Variants in PCDH15 observed in about 807,000 individuals in gnomAD.
The protein encoded by PCDH15 is protocadherin related 15, also known as protocadherin-15.
In PCDH15, 129 loss-of-function variants were observed where a neutral mutation model predicts 178.5. The ratio of observed to expected loss-of-function variants is 0.72; its 90% CI spans 0.63 to 0.84. PCDH15 has a LOEUF of 0.84. Ranked by LOEUF, PCDH15 falls within the 40% of genes least tolerant of loss-of-function variation. The pLI is 0.00. For synonymous variants in PCDH15, 800 were observed against 732.0 expected (o/e 1.09, Z -1.50); for missense variants, 2,230 against 2,099.9 (o/e 1.06, Z -1.21).
intron 2 of PCDH15, among the ~76,000 whole-genome samples, chr10:55,334,820 A>C (rs879270954): frequency 2.0e-5 from 3 of 152,168 alleles, no homozygotes; most frequent in Non-Finnish European, 4.4e-5. Flanking sequence ...TCTATGGAGA[A>C]AATAATTACC....
rs1287635108 is a variant in PCDH15 at position 54,657,588 on chromosome 10, CCATA to C, written c.91+6580_91+6583del. Among the ~76,000 whole-genome samples the C allele has an allele frequency of 2.0e-5, 3 of 152,124 alleles. No homozygotes were observed. The East Asian group carries it at 5.8e-4, about 29-fold the overall frequency. On this transcript the variant is annotated intron_variant, in intron 2 of 37. Transcript: ENST00000644397. ...CAACAGGCAACATTCAAGAAAACCACCATACAAAGATTACCCACAATCAAGGAAC... is the reference window on the plus strand; with the variant it reads ...CAACAGGCAACATTCAAGAAAACCACCAAAGATTACCCACAATCAAGGAAC...
intron 2 of PCDH15, among the ~76,000 whole-genome samples, chr10:54,654,365 C>T (rs1408118272): frequency 1.3e-5 from 2 of 150,420 alleles, no homozygotes; most frequent in African/African-American, 4.9e-5. Context: ...GTACTATGTT[C>T]ACCAGAAGAT....
At chr10:53,986,933 C>T (rs1301368316) in intron 21 of PCDH15, among the ~76,000 whole-genome samples, 1 of 152,134 alleles carries the variant, frequency 6.6e-6, no homozygotes, top group Admixed American at 6.6e-5. Context: ...TTGACCAAGG[C>T]CACAGGGCTA....
chr10:54,853,462 T>TAC (rs779357643), intron 3 of PCDH15, among the ~76,000 whole-genome samples: 6 of 51,680 alleles, frequency 1.2e-4, no homozygotes, highest in African/African-American at 2.5e-4. Context: ...TACACATACA[T>TAC]ATATATATAT....
intron 3 of PCDH15, among the ~76,000 whole-genome samples, chr10:54,383,629 T>TTGTG (rs71461236): frequency 0.031 from 3,686 of 117,476 alleles, 150 homozygotes; most frequent in African/African-American, 0.12. Context: ...ATGTGTGTTT[T>TTGTG]TGTGTGTGTG....
At chr10:54,244,089 A>C (rs1405218164) in intron 8 of PCDH15, among the ~76,000 whole-genome samples, 1 of 152,174 alleles carries the variant, frequency 6.6e-6, no homozygotes, top group African/African-American at 2.4e-5. Flanking sequence ...TTCGTATCAC[A>C]TATTAAAACA....
intron 1 of PCDH15, among the ~76,000 whole-genome samples, chr10:54,731,752 T>A (rs966077361): frequency 6.6e-6 from 1 of 150,422 alleles, no homozygotes; most frequent in African/African-American, 2.4e-5. Context: ...AACAAGTGAC[T>A]ATCATGAAGA....
chr10:55,564,802 T>G (rs914235067), intron 2 of PCDH15, among the ~76,000 whole-genome samples: 2 of 151,616 alleles, frequency 1.3e-5, no homozygotes, highest in East Asian at 3.9e-4. Context: ...AGGTTCAATA[T>G]TCCAAGAAGC....
intron 1 of PCDH15, among the ~76,000 whole-genome samples, chr10:55,262,571 G>A (rs1270725056): frequency 2.0e-5 from 3 of 152,096 alleles, no homozygotes; most frequent in Admixed American, 2.0e-4. Context: ...AGCAGATGCC[G>A]GCAGGCCATC....
At chr10:54,710,861 G>A (rs1176559274) in intron 1 of PCDH15, among the ~76,000 whole-genome samples, 2 of 151,890 alleles carry the variant, frequency 1.3e-5, no homozygotes, top group Non-Finnish European at 2.9e-5. Flanking sequence ...TTTTATTCCT[G>A]GAAGGAAGAT....
intron 2 of PCDH15, among the ~76,000 whole-genome samples, chr10:55,337,912 C>A (rs553623903): frequency 6.6e-6 from 1 of 152,080 alleles, no homozygotes; most frequent in Non-Finnish European, 1.5e-5. Context: ...AACTATCCAT[C>A]TGACAAAGGC....
At chr10:55,340,519 C>T (rs1423176122) in intron 2 of PCDH15, among the ~76,000 whole-genome samples, 5 of 151,858 alleles carry the variant, frequency 3.3e-5, no homozygotes, top group South Asian at 2.1e-4. Context: ...TAAAACTTCA[C>T]GTATCTGCAT....
At chr10:54,134,569 T>A (rs1032179352) in intron 14 of PCDH15, among the ~76,000 whole-genome samples, 2 of 151,380 alleles carry the variant, frequency 1.3e-5, no homozygotes, top group African/African-American at 4.9e-5. Flanking sequence ...CTGGCTAACA[T>A]GGTGAAAGCC....
chr10:55,230,579 G>T (rs1047109041), intron 1 of PCDH15, among the ~76,000 whole-genome samples: 3 of 152,014 alleles, frequency 2.0e-5, no homozygotes, highest in Non-Finnish European at 2.9e-5. Context: ...AGAAAGCAGG[G>T]TATAAAAGGA....
chr10:55,063,032 A>G (rs1252986498), intron 2 of PCDH15, among the ~76,000 whole-genome samples: 1 of 152,120 alleles, frequency 6.6e-6, no homozygotes, highest in Non-Finnish European at 1.5e-5. Context: ...TATGAGCCCC[A>G]TATTGGCTTT....
intron 1 of PCDH15, among the ~76,000 whole-genome samples, chr10:54,794,126 G>T (rs150483700): frequency 2.5e-3 from 365 of 143,854 alleles, no homozygotes; most frequent in African/African-American, 8.8e-3. Context: ...ATATATATAA[G>T]ATATATATAT....
intron 2 of PCDH15, among the ~76,000 whole-genome samples, chr10:55,052,358 T>G (rs565332874): frequency 1.2e-4 from 18 of 150,616 alleles, no homozygotes; most frequent in Non-Finnish European, 2.7e-4. Flanking sequence ...AAAGTGCTGG[T>G]ATTACAGGCG....
intron 2 of PCDH15, among the ~76,000 whole-genome samples, chr10:55,427,297 C>A (rs568225589): frequency 3.9e-5 from 6 of 152,262 alleles, no homozygotes; most frequent in African/African-American, 9.6e-5. Context: ...GCAACACTAC[C>A]ATACTAATGT....
chr10:54,081,274 T>C (rs2094433393), intron 16 of PCDH15, among the ~76,000 whole-genome samples: 1 of 150,874 alleles, frequency 6.6e-6, no homozygotes, highest in Non-Finnish European at 1.5e-5. Flanking sequence ...TTCTTATAAA[T>C]AATCTATATC....
Sources: gnomAD v4.1 joint callset for allele counts (sites outside exome capture counted in the v4.1 genomes callset) on GRCh38, gnomAD v4.1.1 for gene constraint, MANE v1.5 for transcripts, NCBI Gene and HGNC (gene_info 2026-07-23, HGNC 2026-07-21) for gene names.